ARHGAP24: variants seen among roughly 807,000 people sequenced by gnomAD.
ARHGAP24 encodes the protein rho GTPase-activating protein 24.
A neutral mutation model predicts 76.4 loss-of-function variants in ARHGAP24; 50 were observed. That is an observed-to-expected ratio of 0.65 (90% CI 0.52 to 0.83). The LOEUF is 0.83. ARHGAP24 is among the 40% of genes least tolerant of loss of function. ARHGAP24 has a pLI of 0.00. For missense variants in ARHGAP24, 930 were observed against 914.2 expected (o/e 1.02, Z -0.22); for synonymous variants, 345 against 323.3 (o/e 1.07, Z -0.72).
intron 3 of ARHGAP24, among the ~76,000 whole-genome samples, chr4:85,826,509 A>G (rs1729718889): frequency 1.3e-5 from 2 of 152,038 alleles, no homozygotes. Context: ...AAAATCTCGA[A>G]CTCTATTTAT....
intron 3 of ARHGAP24, among the ~76,000 whole-genome samples, chr4:85,742,743 A>G (rs1725872468): frequency 6.6e-6 from 1 of 152,216 alleles, no homozygotes. Context: ...TCTATTATGA[A>G]TTGTTTTCAA....
chr4:85,973,779 A>G (rs886958629), intron 6 of ARHGAP24, among the ~76,000 whole-genome samples: 1 of 141,056 alleles, frequency 7.1e-6, no homozygotes, highest in Admixed American at 7.1e-5. Flanking sequence ...TTAAAAGACT[A>G]TTCTTTCCCC....
chr4:85,504,907 C>T (rs1405857169), intron 1 of ARHGAP24, among the ~76,000 whole-genome samples: 2 of 152,136 alleles, frequency 1.3e-5, no homozygotes, highest in African/African-American at 2.4e-5. Flanking sequence ...TCTTTTAGGG[C>T]AGGCCTGGTG....
At chr4:85,502,038 T>A (rs1723839775) in intron 1 of ARHGAP24, among the ~76,000 whole-genome samples, 1 of 152,180 alleles carries the variant, frequency 6.6e-6, no homozygotes, top group African/African-American at 2.4e-5. Context: ...GTTGTAGATA[T>A]GCGGTGATAT....
intron 3 of ARHGAP24, among the ~76,000 whole-genome samples, chr4:85,811,638 A>G (rs1345495424): frequency 6.6e-6 from 1 of 152,224 alleles, no homozygotes. Context: ...AACTTTTTAT[A>G]ATGAAGATAC....
At chr4:85,504,028 T>G (rs1723932634) in intron 1 of ARHGAP24, among the ~76,000 whole-genome samples, 1 of 152,256 alleles carries the variant, frequency 6.6e-6, no homozygotes, top group Non-Finnish European at 1.5e-5. Flanking sequence ...TGTGTGGTTT[T>G]GAGTGAGTTT....
At chr4:85,737,428 GA>G (rs1202558616) in intron 3 of ARHGAP24, among the ~76,000 whole-genome samples, 2 of 152,166 alleles carry the variant, frequency 1.3e-5, no homozygotes, top group Non-Finnish European at 2.9e-5. Context: ...ACTCTTAATG[GA>G]ACTAATTGTT....
intron 2 of ARHGAP24, among the ~76,000 whole-genome samples, chr4:85,641,885 G>A (rs1721534812): frequency 6.6e-6 from 1 of 152,108 alleles, no homozygotes; most frequent in African/African-American, 2.4e-5. Context: ...GTCCTCTTGG[G>A]CCTTTTATGG....
At chr4:85,778,690 C>T (rs1560627930) in intron 3 of ARHGAP24, 1 of 985,144 alleles carries the variant, frequency 1.0e-6, no homozygotes, top group East Asian at 1.1e-4. Context: ...CTCTCTGTCT[C>T]TTTCTTCAAT....
intron 2 of ARHGAP24, among the ~76,000 whole-genome samples, chr4:85,694,677 G>GTA (rs1424546236): frequency 1.3e-5 from 2 of 152,004 alleles, no homozygotes; most frequent in African/African-American, 2.4e-5. Flanking sequence ...GTGTGTGTGT[G>GTA]TATATGTGTT....
At chr4:85,732,284 G>T (rs1275258875) in intron 3 of ARHGAP24, among the ~76,000 whole-genome samples, 1 of 152,154 alleles carries the variant, frequency 6.6e-6, no homozygotes, top group Non-Finnish European at 1.5e-5. Context: ...GGTTAGAAAC[G>T]ATGTCAGAAT....
intron 2 of ARHGAP24, among the ~76,000 whole-genome samples, chr4:85,644,203 G>A (rs557648212): frequency 2.8e-4 from 42 of 152,274 alleles, no homozygotes; most frequent in South Asian, 1.0e-3. Context: ...TTACTGTGAA[G>A]AAGAAATGAG....
chr4:85,905,693 C>T (rs1734736798), intron 3 of ARHGAP24, among the ~76,000 whole-genome samples: 1 of 152,150 alleles, frequency 6.6e-6, no homozygotes, highest in Non-Finnish European at 1.5e-5. Context: ...TATTGTTGCA[C>T]CTTACTCCTA....
At chr4:85,568,649 A>G (rs998134888) in intron 1 of ARHGAP24, among the ~76,000 whole-genome samples, 1 of 152,170 alleles carries the variant, frequency 6.6e-6, no homozygotes, top group Admixed American at 6.5e-5. Context: ...CAGTCTGCAG[A>G]CACACGGGCA....
intron 3 of ARHGAP24, among the ~76,000 whole-genome samples, chr4:85,887,588 C>T (rs1733633047): frequency 6.6e-6 from 1 of 152,146 alleles, no homozygotes; most frequent in Non-Finnish European, 1.5e-5. Flanking sequence ...TATTTTACAA[C>T]ACTAAAACAT....
intron 4 of ARHGAP24, among the ~76,000 whole-genome samples, chr4:85,938,869 T>G (rs1736801888): frequency 6.6e-6 from 1 of 152,154 alleles, no homozygotes; most frequent in South Asian, 2.1e-4. Flanking sequence ...CAATTTATAT[T>G]TTCTCAGCAC....
intron 2 of ARHGAP24, among the ~76,000 whole-genome samples, chr4:85,622,720 A>G (rs1404663053): frequency 6.6e-6 from 1 of 152,220 alleles, no homozygotes; most frequent in Non-Finnish European, 1.5e-5. Flanking sequence ...ACAACAGTGT[A>G]AAAGTGTTCC....
rs114392787 is a variant in ARHGAP24 at position 86,000,562 on chromosome 4, T to A, written c.2087T>A (p.Met696Lys). Reference sequence around the variant, plus strand: ...GATCAGGAGAGGAAAAAGTTCACAATGATAGAAATAAAAATGCGAAATGCC... The same window carrying A: ...GATCAGGAGAGGAAAAAGTTCACAAAGATAGAAATAAAAATGCGAAATGCC... ...ELDQERKKFT[M>K]IEIKMRNAER... The change falls in exon 10 of 10, where the codon ATG becomes AAG. Residue 696 changes from methionine (M) to lysine (K), a missense_variant. By Grantham distance (95) the Met-to-Lys change is moderately conservative. Transcript: ENST00000395184. The A allele has an allele frequency of 1.2e-5, 19 of 1,577,986 alleles. No homozygotes were observed. In the East Asian group the frequency reaches 4.5e-4, roughly 38 times the overall value.
rs74524762 is a variant in ARHGAP24, at chr4:85,816,732, G to A, written c.268+94760G>A. ...AAATAATGCTGCAATAAACATGGGA[G>A]TGCACATATCCATTCTAGACACTGA... is the stretch of plus-strand genomic sequence containing the variant. On this transcript the variant is annotated intron_variant, in intron 3 of 9. Coordinates refer to ENST00000395184, the MANE Select transcript of ARHGAP24 (RefSeq NM_001025616.3). 9.5e-3 allele frequency among the ~76,000 whole-genome samples: 1,441 copies of A among 152,232 alleles called. 26 individuals are homozygous for A. Among genetic ancestry groups the A allele is most frequent in the African/African-American group, 0.032 (1,349 of 41,544 alleles).
Sources: allele counts gnomAD v4.1 joint callset (sites outside exome capture counted in the v4.1 genomes callset), GRCh38; gene constraint gnomAD v4.1.1; transcripts MANE v1.5; gene names NCBI Gene and HGNC (gene_info 2026-07-23, HGNC 2026-07-21).